The following ZFPM2 variants were observed in gnomAD, a reference collection of about 807,000 sequenced individuals.
ZFPM2 encodes zinc finger protein, FOG family member 2.
ZFPM2 carries 20 observed loss-of-function variants against 98.6 expected under a neutral mutation model. That is an observed-to-expected ratio of 0.20 (90% CI 0.14 to 0.29). The LOEUF (loss-of-function observed/expected upper bound fraction) is 0.29. Among genes scored for constraint, ZFPM2 ranks in the 10% least tolerant of loss-of-function variants. The probability of loss-of-function intolerance (pLI) is 1.00; values close to 1 mark genes in which losing one functional copy is unlikely to be tolerated. For synonymous variants in ZFPM2, 518 were observed against 502.7 expected (o/e 1.03, Z -0.41); for missense variants, 1,310 against 1,388.6 (o/e 0.94, Z 0.90).
intron 5 of ZFPM2, among the ~76,000 whole-genome samples, chr8:105,773,748 T>C (rs1305150691): frequency 6.6e-6 from 1 of 151,856 alleles, no homozygotes; most frequent in Non-Finnish European, 1.5e-5. Flanking sequence ...TTTGTGAATA[T>C]TTTGAAGCAG....
At chr8:105,793,751 A>T (rs556355911) in intron 6 of ZFPM2, among the ~76,000 whole-genome samples, 1 of 147,090 alleles carries the variant, frequency 6.8e-6, no homozygotes, top group East Asian at 2.1e-4. Flanking sequence ...GTCTTTTCAC[A>T]TAGTCCCATA....
chr8:105,743,713 C>T (rs1812278303), intron 5 of ZFPM2, among the ~76,000 whole-genome samples: 1 of 152,058 alleles, frequency 6.6e-6, no homozygotes, highest in South Asian at 2.1e-4. Context: ...TACCAAGTCT[C>T]TTTTGGAGAA....
At chr8:105,784,769 C>G (rs1813362862) in intron 5 of ZFPM2, 1 of 138,556 alleles carries the variant, frequency 7.2e-6, no homozygotes. Flanking sequence ...ACCCAGGCAG[C>G]CTGGTTCCAT....
intron 4 of ZFPM2, among the ~76,000 whole-genome samples, chr8:105,621,453 A>G (rs554214373): frequency 6.6e-6 from 1 of 152,248 alleles, no homozygotes; most frequent in South Asian, 2.1e-4. Context: ...TTCTAAATAT[A>G]CAATCATGTC....
chr8:105,767,098 A>T (rs572966526), intron 5 of ZFPM2, among the ~76,000 whole-genome samples: 1 of 151,862 alleles, frequency 6.6e-6, no homozygotes, highest in Non-Finnish European at 1.5e-5. Context: ...CATGATCACA[A>T]TAAATATTGT....
At chr8:105,330,580 A>G (rs1416568234) in intron 1 of ZFPM2, among the ~76,000 whole-genome samples, 1 of 99,482 alleles carries the variant, frequency 1.0e-5, no homozygotes, top group Non-Finnish European at 1.9e-5. Flanking sequence ...ATATATATAT[A>G]CATATATATA....
intron 5 of ZFPM2, among the ~76,000 whole-genome samples, chr8:105,783,453 A>G (rs954236212): frequency 6.6e-6 from 1 of 152,072 alleles, no homozygotes; most frequent in African/African-American, 2.4e-5. Context: ...GTTCAGTGGC[A>G]TTCACATTGT....
At chr8:105,543,652 C>G (rs776679139) in intron 3 of ZFPM2, among the ~76,000 whole-genome samples, 16 of 152,050 alleles carry the variant, frequency 1.1e-4, no homozygotes, top group Non-Finnish European at 1.5e-4. Flanking sequence ...TCATTTATTA[C>G]TTTCATGTCA....
intron 1 of ZFPM2, among the ~76,000 whole-genome samples, chr8:105,408,556 G>C (rs1165250617): frequency 6.6e-6 from 1 of 151,814 alleles, no homozygotes; most frequent in Non-Finnish European, 1.5e-5. Flanking sequence ...CCCTAAAGAT[G>C]AAAGAGATCT....
intron 5 of ZFPM2, among the ~76,000 whole-genome samples, chr8:105,684,251 C>T (rs1231198787): frequency 5.3e-5 from 8 of 152,062 alleles, no homozygotes; most frequent in Admixed American, 5.2e-4. Context: ...ACGTCCCTTC[C>T]TTTTTTCACA....
intron 5 of ZFPM2, among the ~76,000 whole-genome samples, chr8:105,775,193 T>A (rs1813074016): frequency 6.6e-6 from 1 of 151,314 alleles, no homozygotes; most frequent in African/African-American, 2.4e-5. Context: ...GATACCGCAA[T>A]GGATATTGCA....
intron 1 of ZFPM2, among the ~76,000 whole-genome samples, chr8:105,404,405 T>A (rs1217732462): frequency 6.6e-6 from 1 of 152,140 alleles, no homozygotes; most frequent in Non-Finnish European, 1.5e-5. Context: ...GTTAGCGATC[T>A]GCCACATTCT....
At chr8:105,756,665 A>G (rs1812604648) in intron 5 of ZFPM2, among the ~76,000 whole-genome samples, 1 of 152,198 alleles carries the variant, frequency 6.6e-6, no homozygotes, top group African/African-American at 2.4e-5. Flanking sequence ...TTACTTCAAT[A>G]TAACTCTTGC....
chr8:105,507,820 A>C (rs1813734424), intron 3 of ZFPM2, among the ~76,000 whole-genome samples: 1 of 152,124 alleles, frequency 6.6e-6, no homozygotes, highest in African/African-American at 2.4e-5. Flanking sequence ...CTCCATCATC[A>C]CTGCCCTATA....
intron 5 of ZFPM2, among the ~76,000 whole-genome samples, chr8:105,769,873 G>A (rs1380570753): frequency 6.6e-6 from 1 of 151,628 alleles, no homozygotes; most frequent in African/African-American, 2.4e-5. Context: ...GACCCTTTAT[G>A]TACGAAGGGA....
chr8:105,781,809 A>G (rs1586259936), intron 5 of ZFPM2, among the ~76,000 whole-genome samples: 1 of 152,200 alleles, frequency 6.6e-6, no homozygotes, highest in African/African-American at 2.4e-5. Context: ...TAAAAACTCT[A>G]TCTAATAACT....
intron 3 of ZFPM2, among the ~76,000 whole-genome samples, chr8:105,476,185 C>T (rs1813008884): frequency 6.6e-6 from 1 of 152,224 alleles, no homozygotes; most frequent in Non-Finnish European, 1.5e-5. Context: ...CCCCATTACT[C>T]TCCCGTAGTC....
At chr8:105,548,329 A>G (rs1286178415) in intron 3 of ZFPM2, among the ~76,000 whole-genome samples, 1 of 152,146 alleles carries the variant, frequency 6.6e-6, no homozygotes, top group Non-Finnish European at 1.5e-5. Flanking sequence ...ATATTTTATA[A>G]GAGTAATATA....
intron 1 of ZFPM2, among the ~76,000 whole-genome samples, chr8:105,326,660 T>C (rs758045411): frequency 6.6e-6 from 1 of 151,682 alleles, no homozygotes; most frequent in Non-Finnish European, 1.5e-5. Context: ...GAGACACTAA[T>C]ATAATAGTTA....
Sources: gnomAD v4.1 joint callset for allele counts (sites outside exome capture counted in the v4.1 genomes callset) on GRCh38, gnomAD v4.1.1 for gene constraint, MANE v1.5 for transcripts, NCBI Gene and HGNC (gene_info 2026-07-23, HGNC 2026-07-21) for gene names.